Variants in TVP23C observed in about 807,000 individuals in gnomAD.
TVP23C encodes the protein trans-golgi network vesicle protein 23 homolog C, also known as Golgi apparatus membrane protein TVP23 homolog C.
A neutral mutation model predicts 28.7 loss-of-function variants in TVP23C; 19 were observed. The observed-to-expected ratio is 0.66, with a 90% CI of 0.46 to 0.97. The LOEUF is 0.97. Ranked by LOEUF, TVP23C falls within the 50% of genes least tolerant of loss-of-function variation. The pLI, the probability that TVP23C is intolerant of heterozygous loss-of-function variation, is 0.00. For missense variants in TVP23C, 186 were observed against 241.3 expected, an observed-to-expected ratio of 0.77 and a Z score of 1.52; for synonymous variants, 68 against 81.7, an observed-to-expected ratio of 0.83 and a Z score of 0.90.
intron 5 of TVP23C, among the ~76,000 whole-genome samples, chr17:15,505,693 GGAGGGA>G: frequency 6.6e-6 from 1 of 152,354 alleles, no homozygotes; most frequent in African/African-American, 2.4e-5. Flanking sequence ...AGGGAGGTGT[GGAGGGA>G]GAGGGGCGAG....
chr17:15,533,822 G>A (rs1287749435), downstream of TVP23C, among the ~76,000 whole-genome samples: 3 of 152,202 alleles, frequency 2.0e-5, no homozygotes, highest in Admixed American at 6.5e-5. Context: ...AATTCTAAAT[G>A]AGTGTAAACA....
At chr17:15,560,489 A>C (rs1292817389) in intron 1 of TVP23C, among the ~76,000 whole-genome samples, 1 of 149,798 alleles carries the variant, frequency 6.7e-6, no homozygotes, top group Non-Finnish European at 1.5e-5. Context: ...AAAGACAAGT[A>C]TATATGATAC....
At chr17:15,506,811 G>A (rs868754869) in intron 5 of TVP23C, 195 of 550,632 alleles carry the variant, frequency 3.5e-4, no homozygotes, top group Middle Eastern at 1.2e-3. Context: ...GAGGGTCCGC[G>A]GCTTCATTCT....
chr17:15,560,468 TG>T (rs1984329868), intron 1 of TVP23C, among the ~76,000 whole-genome samples: 1 of 149,528 alleles, frequency 6.7e-6, no homozygotes, highest in Non-Finnish European at 1.5e-5. Flanking sequence ...CAAGAGAGAC[TG>T]GAAGAATTAA....
chr17:15,515,718 C>T (rs560387950), intron 5 of TVP23C, among the ~76,000 whole-genome samples: 4 of 152,146 alleles, frequency 2.6e-5, no homozygotes, highest in South Asian at 2.1e-4. Flanking sequence ...TTTCACCACG[C>T]GCTTCCCTTG....
At position 15,524,541 on chromosome 17, in the gene TVP23C, C is replaced by T. The variant is rs138591065; in HGVS notation, c.462+21244G>A. Among the ~76,000 whole-genome samples the T allele has an allele frequency of 4.2e-3, 640 of 152,262 alleles. 5 individuals are homozygous for T. The highest frequency in any genetic ancestry group is 0.014 in the African/African-American group (592 of 41,542). ...GTTCTAGATGTGTTTAAATTCTCAT[C>T]AAATAGGAGGCGACGCCATTCTCTG... On this transcript the variant is annotated intron_variant, in intron 5 of 5. Coordinates refer to the TVP23C transcript ENST00000225576.
chr17:15,526,463 C>G (rs1982732877), intron 5 of TVP23C, among the ~76,000 whole-genome samples: 1 of 152,138 alleles, frequency 6.6e-6, no homozygotes, highest in African/African-American at 2.4e-5. Context: ...ACTCATAGTT[C>G]TTCTTATGTC....
intron 1 of TVP23C, among the ~76,000 whole-genome samples, chr17:15,560,890 C>A (rs1010065755): frequency 6.7e-5 from 10 of 150,260 alleles, no homozygotes; most frequent in African/African-American, 2.4e-4. Context: ...AATTAAAACA[C>A]GTTTATATGT....
chr17:15,541,411 A>G (rs1029158173), intron 5 of TVP23C, among the ~76,000 whole-genome samples: 2 of 152,282 alleles, frequency 1.3e-5, no homozygotes, highest in African/African-American at 4.8e-5. Context: ...TAGACAATAT[A>G]TAAGTGGGCA....
chr17:15,551,397 C>T (rs1230837712), intron 3 of TVP23C, among the ~76,000 whole-genome samples: 6 of 152,030 alleles, frequency 3.9e-5, no homozygotes, highest in African/African-American at 7.2e-5. Flanking sequence ...TGAGCCACCG[C>T]GCCCAGCCAT....
chr17:15,542,125 A>G (rs1432735411), intron 5 of TVP23C, among the ~76,000 whole-genome samples: 1 of 152,260 alleles, frequency 6.6e-6, no homozygotes, highest in African/African-American at 2.4e-5. Flanking sequence ...AGCTCTACAT[A>G]GCTCCAAACT....
At chr17:15,559,554 T>C (rs1984287699) in intron 1 of TVP23C, among the ~76,000 whole-genome samples, 1 of 148,400 alleles carries the variant, frequency 6.7e-6, no homozygotes, top group Non-Finnish European at 1.5e-5. Context: ...AGAAAGAGAA[T>C]TCTGGCTACT....
chr17:15,555,980 G>C (rs555230558), intron 1 of TVP23C, among the ~76,000 whole-genome samples: 1 of 152,284 alleles, frequency 6.6e-6, no homozygotes, highest in African/African-American at 2.4e-5. Context: ...ACAATGGCAC[G>C]ATCTTGGCTC....
intron 1 of TVP23C, among the ~76,000 whole-genome samples, chr17:15,557,558 C>T (rs1200175224): frequency 1.3e-5 from 2 of 148,956 alleles, no homozygotes; most frequent in East Asian, 2.0e-4. Flanking sequence ...CTCACCCCCC[C>T]ATAGTGCTGG....
intron 5 of TVP23C, among the ~76,000 whole-genome samples, chr17:15,509,647 A>G (rs1215387673): frequency 6.6e-6 from 1 of 152,166 alleles, no homozygotes; most frequent in Non-Finnish European, 1.5e-5. Context: ...GAATCGCTTG[A>G]GCCTAAGAGA....
chr17:15,507,433 A>C, intron 5 of TVP23C: 2 of 524,216 alleles, frequency 3.8e-6, no homozygotes, highest in East Asian at 3.6e-5. Flanking sequence ...CCATTTGCTC[A>C]CACTATCCTG....
At chr17:15,559,493 G>GATCC (rs1263502700) in intron 1 of TVP23C, among the ~76,000 whole-genome samples, 1 of 148,632 alleles carries the variant, frequency 6.7e-6, no homozygotes, top group Non-Finnish European at 1.5e-5. Context: ...TTGAAAGGGA[G>GATCC]ATCCATTGGA....
intron 5 of TVP23C, 144 bp downstream of exon 5, chr17:15,545,641 G>A (rs1348837150): frequency 1.6e-6 from 2 of 1,257,268 alleles, no homozygotes; most frequent in African/African-American, 3.0e-5. Context: ...GGTAAAGTTG[G>A]GAAGCAAAAC....
rs764043682 is a variant in TVP23C, at chr17:15,555,367, G to C, written c.13-3C>G. 2 of 1,613,844 alleles carry C rather than the reference G, an allele frequency of 1.2e-6. No individual in the cohort carries two copies. Among genetic ancestry groups the C allele is most frequent in the South Asian group, 2.2e-5 (2 of 91,064 alleles). On this transcript the variant is annotated splice_polypyrimidine_tract_variant and splice_region_variant and intron_variant, in intron 1 of 5. Coordinates refer to ENST00000518321, the MANE Select transcript of TVP23C (RefSeq NM_001135036.2). ...TCTTCAGTGTCATCATTACTATCCT[G>C]GTTGGAAAAATAAATGGTCAAGAAG...
Sources: gnomAD v4.1 joint callset for allele counts (sites outside exome capture counted in the v4.1 genomes callset) on GRCh38, gnomAD v4.1.1 for gene constraint, MANE v1.5 for transcripts, NCBI Gene and HGNC (gene_info 2026-07-23, HGNC 2026-07-21) for gene names.